The following NOBOX variants were observed in gnomAD, a reference collection of about 807,000 sequenced individuals.
The protein encoded by NOBOX is NOBOX oogenesis homeobox, also known as homeobox protein NOBOX.
NOBOX carries 46 observed loss-of-function variants against 60.2 expected under a neutral mutation model. The ratio of observed to expected loss-of-function variants is 0.76; its 90% CI spans 0.60 to 0.98. NOBOX has a LOEUF of 0.98. NOBOX is among the 50% of genes least tolerant of loss of function. NOBOX has a pLI of 0.00. For missense variants in NOBOX, 880 were observed against 865.5 expected (o/e 1.02, Z -0.21); for synonymous variants, 360 against 346.3 (o/e 1.04, Z -0.44).
intron 1 of NOBOX, among the ~76,000 whole-genome samples, chr7:144,407,332 G>A (rs917021619): frequency 2.0e-5 from 3 of 152,182 alleles, no homozygotes; most frequent in African/African-American, 7.2e-5. Context: ...CCCCAGTGTA[G>A]GCAGCATCAG....
At position 144,401,875 on chromosome 7, in the gene NOBOX, T is replaced by A; in HGVS notation, c.286A>T (p.Thr96Ser). Residue 96 changes from threonine to serine, a missense_variant, in exon 3 of 10, where the codon ACA becomes TCA. By Grantham distance (58) the Thr-to-Ser change is moderately conservative (BLOSUM62 1). Transcript: ENST00000467773. This position sits in a 1 kb window ranked among gnomAD's most constrained non-coding sequence, Gnocchi z 4.2. ...CTAATTTGGGGGTACTCACCCCTTGTGAGTTCCCTTTTCCCAGACACCAGG... is the reference window on the plus strand; with the variant it reads ...CTAATTTGGGGGTACTCACCCCTTGAGAGTTCCCTTTTCCCAGACACCAGG... 6.2e-7 allele frequency: 1 copy of A among 1,604,318 alleles called. No homozygotes were observed. The highest frequency in any genetic ancestry group is 1.3e-5 in the African/African-American group (1 of 74,868).
At position 144,398,477 on chromosome 7, in the gene NOBOX, G is replaced by A. The variant is rs907572678; in HGVS notation, c.1579C>T (p.Leu527Phe). 6.5e-7 allele frequency: 1 copy of A among 1,537,058 alleles called. No individual in the cohort carries two copies. Among genetic ancestry groups the A allele is most frequent in the African/African-American group, 1.4e-5 (1 of 73,044 alleles). ...AACTTGGGCTGAGGGGACTGGAAAA[G>A]CGGGGGCTGTGGAGCCTGGGAGAAC... Residue 527 changes from leucine (L) to phenylalanine (F), a missense_variant, in exon 9 of 10, where the codon CTT becomes TTT. Coordinates refer to ENST00000467773, the MANE Select transcript of NOBOX (RefSeq NM_001080413.3).
At position 144,398,930 on chromosome 7, in the gene NOBOX, T is replaced by C; in HGVS notation, c.1469+20A>G. The C allele has an allele frequency of 7.2e-7, 1 of 1,390,868 alleles. No homozygotes were observed. Among genetic ancestry groups the C allele is most frequent in the Non-Finnish European group, 1.0e-6 (1 of 1,000,238 alleles). The allele number at this position is 1,390,868 out of a possible 1,614,324, so 86.2% of individuals were successfully genotyped here. ...CCCCACCCAGATAACTAGAGTGACCTACCCCCGTAGGTTCCTTACCTTGTC... is the reference window on the plus strand; with the variant it reads ...CCCCACCCAGATAACTAGAGTGACCCACCCCCGTAGGTTCCTTACCTTGTC... On this transcript the variant is annotated intron_variant, in intron 8 of 9. Coordinates refer to ENST00000467773, the MANE Select transcript of NOBOX (RefSeq NM_001080413.3).
At chr7:144,397,186 C>A, downstream of NOBOX, 1 of 1,442,948 alleles carries the variant, frequency 6.9e-7, no homozygotes, top group Non-Finnish European at 9.2e-7. Flanking sequence ...GTCCTCTCAG[C>A]GAGCCCAATC....
At chr7:144,403,781 ACGGGC>A (rs375024030) in intron 2 of NOBOX, 88 bp from the exon 1 acceptor site, 310,401 of 496,120 alleles carry the variant, frequency 0.63, 104,273 homozygotes, top group African/African-American at 0.84. Flanking sequence ...TGCAGCCCGC[ACGGGC>A]CGGGCCGGGC....
At position 144,399,303 on chromosome 7, in the gene NOBOX, G is replaced by A; in HGVS notation, c.1240+94C>T. The A allele has an allele frequency of 5.7e-6, 6 of 1,047,772 alleles. No homozygotes were observed. The South Asian group carries it at 8.4e-5, about 15-fold the overall frequency. The allele number at this position is 1,047,772 out of a possible 1,614,324, so 64.9% of individuals were successfully genotyped here. ...AATAGGCCCTGCTGGCTGAAACACT[G>A]GAGGACTCCAGTCACTCCCACCTCC... is the stretch of plus-strand genomic sequence containing the variant. On this transcript the variant is annotated intron_variant, in intron 7 of 9. Coordinates refer to ENST00000467773, the MANE Select transcript of NOBOX (RefSeq NM_001080413.3).
rs752926479 is a variant in NOBOX at position 144,404,649 on chromosome 7, C to T, written c.117G>A (p.Val39=). ...CTCCGTAGATCCGGTACAGTCCACA[C>T]ACAGGAAATTCAGGTACAGCCAGGG... The change falls in exon 2 of 10, where the codon GTG becomes GTA. Residue 39 remains valine (V), a synonymous_variant. Coordinates refer to ENST00000467773, the MANE Select transcript of NOBOX (RefSeq NM_001080413.3). The T allele has an allele frequency of 6.2e-7, 1 of 1,613,930 alleles. No individual in the cohort carries two copies. The highest frequency in any genetic ancestry group is 8.5e-7 in the Non-Finnish European group (1 of 1,179,806).
chr7:144,397,245 G>A lies in NOBOX; in HGVS notation c.2071C>T (p.Pro691Ser), dbSNP rs1336056659. The A allele has an allele frequency of 1.3e-6, 2 of 1,527,888 alleles. No individual in the cohort carries two copies. The highest frequency in any genetic ancestry group is 1.4e-5 in the African/African-American group (1 of 72,806). The allele number at this position is 1,527,888 out of a possible 1,614,324, so 94.6% of individuals were successfully genotyped here. Residue 691 changes from proline (P) to serine (S), a missense_variant, in exon 10 of 10, where the codon CCC (proline) becomes TCC (serine). Pro to Ser is a moderately conservative substitution (Grantham distance 74, BLOSUM62 -1). Coordinates refer to ENST00000467773, the MANE Select transcript of NOBOX (RefSeq NM_001080413.3). ...TTCACTCTTTGACCCCCCAACTAGG[G>A]GACATGGCTATTCTTGTCATCCCCT...
chr7:144,400,586 G>A lies in NOBOX; in HGVS notation c.845-274C>T, dbSNP rs142997611. 3.8e-3 allele frequency among the ~76,000 whole-genome samples: 579 copies of A among 152,282 alleles called. 6 individuals are homozygous for A. The highest frequency in any genetic ancestry group is 0.013 in the African/African-American group (541 of 41,550). ...GGAGTCTCACTCTGTTGCCCAGGCTGGAGTGCAGTGGCGCAATCTCAGCTC... is the reference window on the plus strand; with the variant it reads ...GGAGTCTCACTCTGTTGCCCAGGCTAGAGTGCAGTGGCGCAATCTCAGCTC... On this transcript the variant is annotated intron_variant, in intron 4 of 9. Coordinates refer to ENST00000467773, the MANE Select transcript of NOBOX (RefSeq NM_001080413.3).
chr7:144,403,857 C>T (rs865793520), intron 2 of NOBOX, among the ~76,000 whole-genome samples, 164 bp from the exon 1 acceptor site: 43 of 151,944 alleles, frequency 2.8e-4, no homozygotes, highest in African/African-American at 9.6e-4. Context: ...CAGGGCGAGG[C>T]CGGCCCGGGA....
In NOBOX at chr7:144,401,409, G is replaced by T. The variant is rs1396401524; in HGVS notation, c.481C>A (p.Pro161Thr). ...TTGTGGGGAGCCCTGGAGCGGGGGG[G>T]CGGGCACAGTCTCCCAGCATCAGCC... Residue 161 changes from proline (P) to threonine (T), a missense_variant, in exon 4 of 10, where the codon CCC becomes ACC. Pro to Thr is a conservative substitution (Grantham distance 38). Transcript: ENST00000467773. The surrounding 1 kb of genome is among the most constrained non-coding windows in gnomAD (Gnocchi z 4.2). The T allele has an allele frequency of 5.0e-6, 8 of 1,612,162 alleles. No individual in the cohort carries two copies. The highest frequency in any genetic ancestry group is 2.7e-5 in the African/African-American group (2 of 74,858).
At position 144,401,758 on chromosome 7, in the gene NOBOX, C is replaced by G. The variant is rs1460435967; in HGVS notation, c.292+111G>C. On this transcript the variant is annotated intron_variant, in intron 3 of 9. Coordinates refer to ENST00000467773, the MANE Select transcript of NOBOX (RefSeq NM_001080413.3). This position sits in a 1 kb window ranked among gnomAD's most constrained non-coding sequence, Gnocchi z 4.2. The stretch of plus-strand genomic sequence containing the variant: ...TTCCACACTTACCTTCCTAGCTTGA[C>G]TATTGTGAGGATTAAATCAGATAAC... 2.9e-6 allele frequency: 3 copies of G among 1,043,044 alleles called. No homozygotes were observed. The highest frequency in any genetic ancestry group is 4.2e-6 in the Non-Finnish European group (3 of 708,754). 64.6% of individuals were successfully genotyped at this position (1,043,044 alleles called of 1,614,324 possible).
At chr7:144,404,746 T>G in intron 1 of NOBOX, 1 of 1,591,180 alleles carries the variant, frequency 6.3e-7, no homozygotes, top group South Asian at 1.1e-5. Flanking sequence ...TCTCTGAGAA[T>G]GGAAGGGACT....
At chr7:144,398,054 C>T (rs772056267) in intron 9 of NOBOX, among the ~76,000 whole-genome samples, 3 of 152,202 alleles carry the variant, frequency 2.0e-5, no homozygotes, top group Non-Finnish European at 4.4e-5. Flanking sequence ...AGCTGGACTT[C>T]AAGCCTGTTT....
chr7:144,399,188 GA>G lies in NOBOX; in HGVS notation c.1241-11del. 7.2e-7 allele frequency: 1 copy of G among 1,389,372 alleles called. No homozygotes were observed. The highest frequency in any genetic ancestry group is 1.0e-6 in the Non-Finnish European group (1 of 994,448). 86.1% of individuals were successfully genotyped at this position (1,389,372 alleles called of 1,614,324 possible). On this transcript the variant is annotated splice_polypyrimidine_tract_variant and intron_variant, in intron 7 of 9. Transcript: ENST00000467773. Reference sequence around the variant, plus strand: ...AGCAGCATGGGGGGCTCTAGGAACAGAAGGCAAAGAGGTGCTATAACGGTAA... The same window carrying G: ...AGCAGCATGGGGGGCTCTAGGAACAGAGGCAAAGAGGTGCTATAACGGTAA...
Position 144,401,229 on chromosome 7 carries a change from C to T in NOBOX, c.661G>A (p.Gly221Ser), listed in dbSNP as rs1358510209. Residue 221 changes from glycine (G) to serine (S), a missense_variant, in exon 4 of 10, where the codon GGT becomes AGT. Physicochemically the swap from Gly to Ser is moderately conservative, Grantham distance 56. Coordinates refer to ENST00000467773, the MANE Select transcript of NOBOX (RefSeq NM_001080413.3). The surrounding 1 kb of genome is among the most constrained non-coding windows in gnomAD (Gnocchi z 4.2). ...GTGGCACGGGCTGAGTTAGGGGCACCCGGAGATGATGTTGGGGCCAGACCC... is the reference window on the plus strand; with the variant it reads ...GTGGCACGGGCTGAGTTAGGGGCACTCGGAGATGATGTTGGGGCCAGACCC... 1 of 1,613,550 alleles carries T rather than the reference C, an allele frequency of 6.2e-7. No homozygotes were observed. The highest frequency in any genetic ancestry group is 1.7e-5 in the Admixed American group (1 of 59,938).
intron 2 of NOBOX, among the ~76,000 whole-genome samples, chr7:144,403,315 C>T (rs752378037): frequency 2.0e-5 from 3 of 152,080 alleles, no homozygotes; most frequent in African/African-American, 4.8e-5. Context: ...GTGGGTGCTC[C>T]GTAAGCACGT....
intron 4 of NOBOX, 49 bp downstream of exon 2, chr7:144,400,997 C>T (rs1288823135): frequency 1.5e-5 from 21 of 1,428,994 alleles, no homozygotes; most frequent in Non-Finnish European, 1.9e-5. Flanking sequence ...CCCCACCTTT[C>T]CCCAGGATGA....
intron 4 of NOBOX, 27 bp from the exon 3 acceptor site, chr7:144,400,339 G>A (rs1395372047): frequency 3.8e-6 from 6 of 1,598,128 alleles, no homozygotes; most frequent in Non-Finnish European, 5.1e-6. Flanking sequence ...CTTGTGTGAG[G>A]AGGACAAATG....
Sources: gnomAD v4.1 joint callset for allele counts (sites outside exome capture counted in the v4.1 genomes callset) on GRCh38, gnomAD v4.1.1 for gene constraint, Gnocchi (gnomAD v3.1) non-coding constraint, MANE v1.5 for transcripts, NCBI Gene and HGNC (gene_info 2026-07-23, HGNC 2026-07-21) for gene names.